NRXN1: variants seen among roughly 807,000 people sequenced by gnomAD.
The protein encoded by NRXN1 is neurexin 1, also known as neurexin-1.
Under a neutral mutation model 150.9 loss-of-function variants are expected in NRXN1, and 39 were observed. That is an observed-to-expected ratio of 0.26 (90% CI 0.20 to 0.34). The LOEUF (loss-of-function observed/expected upper bound fraction) is 0.34. NRXN1 is among the 10% of genes least tolerant of loss of function. The pLI is 1.00. For missense variants in NRXN1, 1,815 were observed against 1,949.9 expected (o/e 0.93, Z 1.30); for synonymous variants, 924 against 757.0 (o/e 1.22, Z -3.62).
chr2:50,159,329 G>A (rs2059223288), intron 18 of NRXN1, among the ~76,000 whole-genome samples: 4 of 152,080 alleles, frequency 2.6e-5, no homozygotes, highest in African/African-American at 7.2e-5. Flanking sequence ...TGCTCAGAAT[G>A]GAATTTTACA....
intron 17 of NRXN1, among the ~76,000 whole-genome samples, chr2:50,407,743 C>T (rs1043191854): frequency 1.3e-4 from 20 of 152,004 alleles, no homozygotes; most frequent in African/African-American, 4.8e-4. Context: ...TGTAGAGAGA[C>T]CTCCGCAGCA....
At chr2:50,881,686 A>C (rs1200886538) in intron 5 of NRXN1, among the ~76,000 whole-genome samples, 1 of 151,884 alleles carries the variant, frequency 6.6e-6, no homozygotes, top group Non-Finnish European at 1.5e-5. Flanking sequence ...GATTTGAGTG[A>C]GGAGGTTTAA....
intron 5 of NRXN1, among the ~76,000 whole-genome samples, chr2:50,911,050 A>C (rs562019476): frequency 1.3e-5 from 2 of 152,052 alleles, no homozygotes; most frequent in South Asian, 4.1e-4. Flanking sequence ...TGGCACTTTC[A>C]AATACTATCA....
intron 18 of NRXN1, among the ~76,000 whole-genome samples, chr2:50,110,618 T>C (rs1702257785): frequency 6.6e-6 from 1 of 152,078 alleles, no homozygotes; most frequent in South Asian, 2.1e-4. Context: ...GGGGTGTGTG[T>C]GCGTATGTGC....
chr2:50,599,360 G>A (rs1202795211), intron 8 of NRXN1, among the ~76,000 whole-genome samples: 1 of 152,126 alleles, frequency 6.6e-6, no homozygotes, highest in Non-Finnish European at 1.5e-5. Context: ...GCCTTTAGAA[G>A]GTGGTCACTA....
chr2:50,537,370 T>C (rs1321393476), intron 10 of NRXN1, among the ~76,000 whole-genome samples: 1 of 152,184 alleles, frequency 6.6e-6, no homozygotes, highest in Non-Finnish European at 1.5e-5. Context: ...ATAGGTGTAG[T>C]GACTAAAGCA....
intron 5 of NRXN1, among the ~76,000 whole-genome samples, chr2:50,638,495 C>T (rs1683563160): frequency 6.6e-6 from 1 of 152,110 alleles, no homozygotes; most frequent in South Asian, 2.1e-4. Flanking sequence ...AGTTTGGAAG[C>T]AATTTCATTG....
At chr2:50,866,843 A>G (rs1442089091) in intron 5 of NRXN1, among the ~76,000 whole-genome samples, 3 of 152,052 alleles carry the variant, frequency 2.0e-5, no homozygotes, top group African/African-American at 7.2e-5. Flanking sequence ...AAACTGGGTT[A>G]TAATTCATTA....
chr2:50,891,485 A>G (rs1482967385), intron 5 of NRXN1, among the ~76,000 whole-genome samples: 3 of 152,072 alleles, frequency 2.0e-5, no homozygotes, highest in Admixed American at 6.6e-5. Context: ...ACAATCTGAT[A>G]TAAGACCATG....
chr2:50,907,896 T>A (rs896905194), intron 5 of NRXN1, among the ~76,000 whole-genome samples: 2 of 152,132 alleles, frequency 1.3e-5, no homozygotes, highest in African/African-American at 4.8e-5. Context: ...ATTACATTTG[T>A]AGTAATTTGT....
intron 5 of NRXN1, among the ~76,000 whole-genome samples, chr2:50,763,210 C>T (rs114673658): frequency 0.025 from 3,743 of 152,040 alleles, 75 homozygotes; most frequent in Non-Finnish European, 0.037. Context: ...TATGGTGTTA[C>T]TATTAATTAG....
Position 50,098,830 on chromosome 2 carries a change from G to GTTTTTTTTTTTTTTTTTTT in NRXN1, c.3547-7355_3547-7337dup, listed in dbSNP as rs746736925. 4.5e-4 allele frequency among the ~76,000 whole-genome samples: 47 copies of GTTTTTTTTTTTTTTTTTTT among 105,546 alleles called. 3 individuals carry two copies. Among genetic ancestry groups the GTTTTTTTTTTTTTTTTTTT allele is most frequent in the Non-Finnish European group, 7.2e-4 (37 of 51,618 alleles). The allele number at this position is 105,546 out of a possible 152,430, so 69.2% of individuals were successfully genotyped here. On this transcript the variant is annotated intron_variant, in intron 18 of 22. Transcript: ENST00000401669. Reference sequence around the variant, plus strand: ...GTGCATGGTTTTGTTTTTGGTTTTAGTTTTTTTTTTTTTTTTTTTTTTTTT... The same window carrying GTTTTTTTTTTTTTTTTTTT: ...GTGCATGGTTTTGTTTTTGGTTTTAGTTTTTTTTTTTTTTTTTTTTTTTTTTTTTTTTTTTTTTTTTTTT...
intron 17 of NRXN1, among the ~76,000 whole-genome samples, chr2:50,328,077 G>A (rs1327237370): frequency 6.6e-6 from 1 of 152,126 alleles, no homozygotes; most frequent in Non-Finnish European, 1.5e-5. Flanking sequence ...TAATACAACA[G>A]AGAGCATCTT....
At chr2:50,758,967 T>C (rs769805084) in intron 5 of NRXN1, among the ~76,000 whole-genome samples, 5 of 151,906 alleles carry the variant, frequency 3.3e-5, no homozygotes, top group African/African-American at 4.8e-5. Context: ...CAAGGGAATG[T>C]ATCAGAAACC....
chr2:50,798,227 G>A (rs528810950), intron 5 of NRXN1, among the ~76,000 whole-genome samples: 2 of 152,166 alleles, frequency 1.3e-5, no homozygotes, highest in South Asian at 4.2e-4. Flanking sequence ...TAGTTGTTAT[G>A]ATCTCGAAAA....
intron 8 of NRXN1, among the ~76,000 whole-genome samples, chr2:50,575,228 C>T (rs1350645231): frequency 3.3e-5 from 5 of 152,222 alleles, no homozygotes; most frequent in South Asian, 2.1e-4. Context: ...TATTGCAGAT[C>T]ATTTTTAATC....
At chr2:50,179,031 G>A (rs373364261) in intron 18 of NRXN1, among the ~76,000 whole-genome samples, 2 of 152,098 alleles carry the variant, frequency 1.3e-5, no homozygotes, top group Non-Finnish European at 2.9e-5. Context: ...ACTGAAGACT[G>A]TATTTTTAGG....
intron 22 of NRXN1, among the ~76,000 whole-genome samples, chr2:49,936,322 A>C (rs1389135099): frequency 6.6e-6 from 1 of 152,188 alleles, no homozygotes; most frequent in African/African-American, 2.4e-5. Flanking sequence ...CAAATGCATA[A>C]TGCCTTATGA....
chr2:50,388,614 A>G (rs975608600), intron 17 of NRXN1, among the ~76,000 whole-genome samples: 2 of 152,172 alleles, frequency 1.3e-5, no homozygotes, highest in African/African-American at 4.8e-5. Context: ...CTGACAGGGC[A>G]TTCTCTAAGG....
Sources: allele counts gnomAD v4.1 joint callset (sites outside exome capture counted in the v4.1 genomes callset), GRCh38; gene constraint gnomAD v4.1.1; transcripts MANE v1.5; gene names NCBI Gene and HGNC (gene_info 2026-07-23, HGNC 2026-07-21).